COL6A2: variants seen among roughly 807,000 people sequenced by gnomAD.
COL6A2 encodes the protein collagen alpha-2(VI) chain.
COL6A2 carries 90 observed loss-of-function variants against 124.9 expected under a neutral mutation model. The ratio of observed to expected loss-of-function variants is 0.72; its 90% CI spans 0.61 to 0.86. The LOEUF is 0.86. Among genes scored for constraint, COL6A2 ranks in the 40% least tolerant of loss-of-function variants. The pLI is 0.00. For missense variants in COL6A2, 1,607 were observed against 1,502.5 expected (o/e 1.07, Z -1.15); for synonymous variants, 793 against 618.2 (o/e 1.28, Z -4.19).
chr21:46,113,878 G>C lies in COL6A2; in HGVS notation c.736-130G>C, dbSNP rs897375448. 2.9e-4 allele frequency: 227 copies of C among 782,970 alleles called. 1 individual carries two copies. The highest frequency in any genetic ancestry group is 2.8e-4 in the Non-Finnish European group (124 of 444,164). 48.5% of individuals were successfully genotyped at this position (782,970 alleles called of 1,614,324 possible). A position where few individuals can be genotyped will look rare whatever the true frequency, so the allele number is the denominator to read the frequency against. ...CTCACAGCTCCCTCACGCCCGCCCA[G>C]GTTCTCAGGGCATTTCAGCATCTCC... On this transcript the variant is annotated intron_variant, in intron 4 of 27. Coordinates refer to ENST00000300527, the MANE Select transcript of COL6A2 (RefSeq NM_001849.4).
At chr21:46,120,333 C>G (rs999906494) in intron 15 of COL6A2, among the ~76,000 whole-genome samples, 182 bp from the exon 16 acceptor site, 2 of 152,186 alleles carry the variant, frequency 1.3e-5, no homozygotes, top group Non-Finnish European at 2.9e-5. Context: ...CTCAGAGCGG[C>G]AGCTACAGGC....
At position 46,124,713 on chromosome 21, in the gene COL6A2, G is replaced by A; in HGVS notation, c.1734G>A (p.Glu578=). The A allele has an allele frequency of 6.2e-7, 1 of 1,612,608 alleles. No individual in the cohort carries two copies. The highest frequency in any genetic ancestry group is 1.1e-5 in the South Asian group (1 of 91,068). The change falls in exon 22 of 28, where the codon GAG becomes GAA. Residue 578 remains glutamate, a splice_region_variant and synonymous_variant. Coordinates refer to ENST00000300527, the MANE Select transcript of COL6A2 (RefSeq NM_001849.4). ...PRGPRGVPGP[E]GEPGPPGDPG... Reference sequence around the variant, plus strand: ...GGCCAAGAGGAGTCCCAGGACCCGAGGTAGGTTGGTGGCCAGTCCCCATGC... The same window carrying A: ...GGCCAAGAGGAGTCCCAGGACCCGAAGTAGGTTGGTGGCCAGTCCCCATGC...
intron 13 of COL6A2, 57 bp downstream of exon 13, chr21:46,118,733 C>T: frequency 1.3e-6 from 2 of 1,556,400 alleles, no homozygotes; most frequent in Non-Finnish European, 8.8e-7. Context: ...CGCCCATGGC[C>T]CAGATGAACA....
intron 27 of COL6A2, among the ~76,000 whole-genome samples, chr21:46,127,452 C>T (rs1034527572): frequency 6.6e-6 from 1 of 152,168 alleles, no homozygotes; most frequent in African/African-American, 2.4e-5. Flanking sequence ...CCCATACGTG[C>T]TGCGACAGAG....
Position 46,126,038 on chromosome 21 carries a change from C to T in COL6A2, c.2223C>T (p.Asp741=), listed in dbSNP as rs1004285314. ...TDGRHDPRDD[D]LNLRALCDRD... ...GGCGCCACGACCCTCGGGACGATGA[C>T]CTCAACTTGCGGGCGCTGTGCGACC... The change falls in exon 26 of 28, where the codon GAC becomes GAT. Residue 741 remains aspartate (D), a synonymous_variant. Coordinates refer to ENST00000300527, the MANE Select transcript of COL6A2 (RefSeq NM_001849.4). 1 of 1,613,110 alleles carries T rather than the reference C, an allele frequency of 6.2e-7. No homozygotes were observed. Among genetic ancestry groups the T allele is most frequent in the Admixed American group, 1.7e-5 (1 of 60,034 alleles).
chr21:46,125,363 G>T, intron 24 of COL6A2, 52 bp downstream of exon 24: 1 of 1,604,366 alleles, frequency 6.2e-7, no homozygotes, highest in Non-Finnish European at 8.5e-7. Context: ...GTGGAGGGCG[G>T]GAGTGCAGCA....
Position 46,121,563 on chromosome 21 carries a change from G to C in COL6A2, c.1466G>C (p.Arg489Pro), listed in dbSNP as rs61735828. ...ALGEPGKQGS[R>P]GDPGDAGPRG... ...TTTCTCTCCTGCCCTCAGGGATCTCGGGGAGACCCCGGTGATGCAGGACCC... is the reference window on the plus strand; with the variant it reads ...TTTCTCTCCTGCCCTCAGGGATCTCCGGGAGACCCCGGTGATGCAGGACCC... Residue 489 changes from arginine to proline, a missense_variant, in exon 18 of 28, where the codon CGG (arginine) becomes CCG (proline). Physicochemically the swap from Arg to Pro is moderately radical, Grantham distance 103. This residue lies in a region of COL6A2 where 1,223 missense variants were observed against 1,052.2 expected (regional missense o/e 1.16). Coordinates refer to ENST00000300527, the MANE Select transcript of COL6A2 (RefSeq NM_001849.4). The C allele has an allele frequency of 1.9e-6, 3 of 1,612,802 alleles. No individual in the cohort carries two copies. The highest frequency in any genetic ancestry group is 2.5e-6 in the Non-Finnish European group (3 of 1,179,950).
At chr21:46,109,786 G>A (rs540025472) in intron 1 of COL6A2, among the ~76,000 whole-genome samples, 11 of 152,308 alleles carry the variant, frequency 7.2e-5, no homozygotes, top group East Asian at 5.8e-4. Flanking sequence ...GCTGGGCAGC[G>A]GGAACAGGCA....
chr21:46,123,870 G>GATGGATAA lies in COL6A2; in HGVS notation c.1672-775_1672-774insAAATGGAT, dbSNP rs2078611011. ...GGATGAATGAGTTAGTGGGTTGGCAGATGGATGGATGGGTGAGTCAGTGGA... is the reference window on the plus strand; with the variant it reads ...GGATGAATGAGTTAGTGGGTTGGCAGATGGATAAATGGATGGATGGGTGAGTCAGTGGA... On this transcript the variant is annotated intron_variant, in intron 21 of 27. Transcript: ENST00000300527. 3.5e-5 allele frequency among the ~76,000 whole-genome samples: 5 copies of GATGGATAA among 141,592 alleles called. No individual in the cohort carries two copies. In the Admixed American group the frequency reaches 3.6e-4, roughly 10 times the overall value. The allele number at this position is 141,592 out of a possible 152,430, so 92.9% of individuals were successfully genotyped here. A position where few individuals can be genotyped will look rare whatever the true frequency, so the allele number is the denominator to read the frequency against.
In COL6A2 at chr21:46,132,076, C is replaced by G; in HGVS notation, c.2584C>G (p.Arg862Gly). The change falls in exon 28 of 28, where the codon CGG becomes GGG. Residue 862 changes from arginine (R) to glycine (G), a missense_variant. Physicochemically the swap from Arg to Gly is moderately radical, Grantham distance 125. Around this residue, in one of 3 missense-constraint regions of COL6A2, gnomAD observed 1,223 missense variants for 1,052.2 expected, o/e 1.16. Transcript: ENST00000300527. ...ARRFVEQVAR[R>G]LTLARRDDDP... ...GCGCTTCGTGGAGCAGGTGGCGCGG[C>G]GGCTGACGCTGGCCCGGAGGGACGA... is the stretch of plus-strand genomic sequence containing the variant. The G allele has an allele frequency of 6.2e-7, 1 of 1,602,922 alleles. No individual in the cohort carries two copies. Among genetic ancestry groups the G allele is most frequent in the Non-Finnish European group, 8.5e-7 (1 of 1,177,186 alleles).
At chr21:46,113,616 GA>G (rs2078433811) in intron 4 of COL6A2, 1 of 313,456 alleles carries the variant, frequency 3.2e-6, no homozygotes, top group African/African-American at 2.2e-5. Context: ...GTAGAGATGG[GA>G]TCTCACTATG....
At position 46,117,790 on chromosome 21, in the gene COL6A2, G is replaced by A. The variant is rs531107734; in HGVS notation, c.1054-84G>A. 93 of 1,413,526 alleles carry A rather than the reference G, an allele frequency of 6.6e-5. 1 individual carries two copies. The Middle Eastern group carries it at 8.8e-4, about 13-fold the overall frequency. The allele number at this position is 1,413,526 out of a possible 1,614,324, so 87.6% of individuals were successfully genotyped here. A position where few individuals can be genotyped will look rare whatever the true frequency, so the allele number is the denominator to read the frequency against. ...GAGGGTGGGAGGTGCGTCCCGGGCT[G>A]GGACAATGGAGCACTTGGGCCCTGG... On this transcript the variant is annotated intron_variant, in intron 11 of 27. Coordinates refer to ENST00000300527, the MANE Select transcript of COL6A2 (RefSeq NM_001849.4).
Position 46,112,593 on chromosome 21 carries a change from G to A in COL6A2, c.714+16G>A, listed in dbSNP as rs1428032805. The A allele has an allele frequency of 1.2e-6, 2 of 1,611,302 alleles. No individual in the cohort carries two copies. The highest frequency in any genetic ancestry group is 1.7e-6 in the Non-Finnish European group (2 of 1,179,626). On this transcript the variant is annotated intron_variant, in intron 3 of 27. Coordinates refer to ENST00000300527, the MANE Select transcript of COL6A2 (RefSeq NM_001849.4). Reference sequence around the variant, plus strand: ...CAAGGTCATGGTGAGCCGCGGGCGGGAGCACCGTCCACGCGCCAGGGGTGG... The same window carrying A: ...CAAGGTCATGGTGAGCCGCGGGCGGAAGCACCGTCCACGCGCCAGGGGTGG...
chr21:46,101,698 G>T (rs181136138), intron 1 of COL6A2, among the ~76,000 whole-genome samples: 13 of 152,140 alleles, frequency 8.5e-5, no homozygotes, highest in Admixed American at 8.5e-4. Context: ...AGTCATATAT[G>T]CAAGGGTTTC....
intron 21 of COL6A2, among the ~76,000 whole-genome samples, chr21:46,124,336 G>C (rs1022313061): frequency 6.6e-6 from 1 of 152,114 alleles, no homozygotes. Context: ...CGTGGAGTTG[G>C]TGGGTACATG....
chr21:46,107,640 G>T (rs1272394519), intron 1 of COL6A2, among the ~76,000 whole-genome samples: 2 of 152,156 alleles, frequency 1.3e-5, no homozygotes, highest in Non-Finnish European at 2.9e-5. Context: ...GCCACTATGA[G>T]ACTTCAGAAG....
rs144801620 is a variant in COL6A2, at chr21:46,118,626, C to A, written c.1129C>A (p.Arg377Ser). Residue 377 changes from arginine (R) to serine (S), a missense_variant, in exon 13 of 28, where the codon CGC becomes AGC. Coordinates refer to ENST00000300527, the MANE Select transcript of COL6A2 (RefSeq NM_001849.4). ...GDQGGKGDPGRPGRRGPPGEI... is the reference protein window; with the variant it reads ...GDQGGKGDPGSPGRRGPPGEI... ...CAAACCCTTCCAGGGGGACCCTGGC[C>A]GCCCAGGACGCAGAGGGCCCCCGGG... 2 of 1,612,378 alleles carry A rather than the reference C, an allele frequency of 1.2e-6. No homozygotes were observed. Among genetic ancestry groups the A allele is most frequent in the African/African-American group, 1.3e-5 (1 of 74,946 alleles).
At chr21:46,128,954 C>T (rs1443787728) in intron 27 of COL6A2, 2 of 1,610,858 alleles carry the variant, frequency 1.2e-6, no homozygotes, top group South Asian at 1.1e-5. Context: ...TCCGTGGTGT[C>T]CCCCAAAGGT....
chr21:46,121,129 T>C lies in COL6A2; in HGVS notation c.1458+6T>C. Reference sequence around the variant, plus strand: ...TTGGGGAGCCCGGAAAGCAGGTCAGTGTCAGTGCAGGAGGCCGGTGCCCTC... The same window carrying C: ...TTGGGGAGCCCGGAAAGCAGGTCAGCGTCAGTGCAGGAGGCCGGTGCCCTC... On this transcript the variant is annotated splice_donor_region_variant and intron_variant, in intron 17 of 27. Coordinates refer to ENST00000300527, the MANE Select transcript of COL6A2 (RefSeq NM_001849.4). 1 of 1,612,592 alleles carries C rather than the reference T, an allele frequency of 6.2e-7. No homozygotes were observed. The highest frequency in any genetic ancestry group is 8.5e-7 in the Non-Finnish European group (1 of 1,179,840).
Sources: gnomAD v4.1 joint callset for allele counts (sites outside exome capture counted in the v4.1 genomes callset) on GRCh38, gnomAD v4.1.1 for gene constraint, gnomAD v4.1.1 regional missense constraint, MANE v1.5 for transcripts, NCBI Gene and HGNC (gene_info 2026-07-23, HGNC 2026-07-21) for gene names.